Variants in SGTB observed in about 807,000 individuals in gnomAD.
SGTB encodes the protein small glutamine-rich tetratricopeptide repeat-containing protein beta.
Under a neutral mutation model 43.9 loss-of-function variants are expected in SGTB, and 19 were observed. The observed-to-expected ratio is 0.43, with a 90% CI of 0.30 to 0.63. The LOEUF is 0.63. SGTB is among the 30% of genes least tolerant of loss of function. The pLI, the probability that SGTB is intolerant of heterozygous loss-of-function variation, is 0.12. For synonymous variants in SGTB, 116 were observed against 117.3 expected (o/e 0.99, Z 0.07); for missense variants, 304 against 358.9 (o/e 0.85, Z 1.24).
At chr5:65,676,043 C>T (rs1757258619) in intron 8 of SGTB, among the ~76,000 whole-genome samples, 1 of 152,020 alleles carries the variant, frequency 6.6e-6, no homozygotes, top group African/African-American at 2.4e-5. Context: ...CACAGAATGG[C>T]AAACCAGATA....
At chr5:65,695,522 C>T (rs537279365) in intron 5 of SGTB, among the ~76,000 whole-genome samples, 3 of 152,292 alleles carry the variant, frequency 2.0e-5, no homozygotes, top group South Asian at 2.1e-4. Flanking sequence ...TGAATAACAA[C>T]GTGGTCTGTG....
chr5:65,684,604 G>A (rs1757461350), intron 6 of SGTB, among the ~76,000 whole-genome samples: 1 of 152,140 alleles, frequency 6.6e-6, no homozygotes, highest in Admixed American at 6.5e-5. Flanking sequence ...CCAGACTGGA[G>A]TGCAGTGGCT....
chr5:65,704,030 C>T (rs185378558), intron 5 of SGTB, among the ~76,000 whole-genome samples: 3,506 of 97,304 alleles, frequency 0.036, 134 homozygotes, highest in African/African-American at 0.12. Context: ...AGTGAGACTC[C>T]GTCTCAAAAA....
rs188227713 is a variant in SGTB, at chr5:65,703,718, C to T, written c.374+561G>A. Among the ~76,000 whole-genome samples, 7 of 147,608 alleles carry T rather than the reference C, an allele frequency of 4.7e-5. No individual in the cohort carries two copies. In the East Asian group the frequency reaches 1.2e-3, roughly 26 times the overall value. ...CAGCCTGGGTGACAAAGTGAGACCA[C>T]GTCTCAAAAAAAATAAAAATAAAAA... On this transcript the variant is annotated intron_variant, in intron 5 of 10. Transcript: ENST00000381007.
chr5:65,699,077 C>T (rs1051125920), intron 5 of SGTB, among the ~76,000 whole-genome samples: 15 of 152,190 alleles, frequency 9.9e-5, no homozygotes, highest in African/African-American at 3.1e-4. Flanking sequence ...AAGACACCTG[C>T]ACACATGTGT....
upstream of SGTB, chr5:65,722,269 G>A (rs553942617): frequency 2.3e-6 from 2 of 851,352 alleles, no homozygotes; most frequent in East Asian, 3.3e-5. Context: ...TGGCCTCTGC[G>A]GCTAGGCCGG....
intron 2 of SGTB, 145 bp downstream of exon 2, chr5:65,720,563 C>T (rs1049582885): frequency 3.3e-5 from 27 of 821,944 alleles, no homozygotes; most frequent in African/African-American, 2.3e-4. Flanking sequence ...AATGGAAATA[C>T]GATAACCTTA....
upstream of SGTB, chr5:65,722,190 CG>C (rs1194719502): frequency 3.5e-6 from 1 of 288,658 alleles, no homozygotes; most frequent in African/African-American, 2.2e-5. Context: ...GGGCACGGCG[CG>C]GGGCGGGGCT....
At chr5:65,712,100 AAAAC>A (rs938317555) in intron 3 of SGTB, among the ~76,000 whole-genome samples, 5 of 152,176 alleles carry the variant, frequency 3.3e-5, no homozygotes, top group African/African-American at 1.2e-4. Context: ...CTAAAAAACA[AAAAC>A]AAACAAACAA....
At chr5:65,704,035 C>CAAAAAAAAAAAAA (rs11405488) in intron 5 of SGTB, among the ~76,000 whole-genome samples, 1 of 133,368 alleles carries the variant, frequency 7.5e-6, no homozygotes, top group African/African-American at 2.7e-5. Context: ...GACTCCGTCT[C>CAAAAAAAAAAAAA]AAAAAAAAAA....
intron 5 of SGTB, among the ~76,000 whole-genome samples, chr5:65,691,520 G>A (rs1296133212): frequency 6.6e-6 from 1 of 151,780 alleles, no homozygotes; most frequent in Non-Finnish European, 1.5e-5. Context: ...AGAGACAGGT[G>A]TTTCACCATA....
intron 5 of SGTB, among the ~76,000 whole-genome samples, chr5:65,691,156 G>C (rs1368170297): frequency 6.6e-6 from 1 of 152,196 alleles, no homozygotes; most frequent in Non-Finnish European, 1.5e-5. Context: ...TGTGATGCTA[G>C]TGAATTGAAG....
In SGTB at chr5:65,666,989, A is replaced by G. The variant is rs72764483; in HGVS notation, c.*3257T>C. 28,914 of 151,974 alleles carry G rather than the reference A, an allele frequency of 0.19. 3,385 individuals carry two copies. The highest frequency in any genetic ancestry group is 0.31 in the South Asian group (1,479 of 4,814). 9.4% of individuals were successfully genotyped at this position (151,974 alleles called of 1,614,324 possible). On this transcript the variant is annotated 3_prime_UTR_variant, in exon 11 of 11. Transcript: ENST00000381007. ...GAAGAGATTGTTTAGAATTGATATT[A>G]TTTCTCCCTTAAGTGTTTGGTAAAA...
At chr5:65,680,421 C>A in intron 8 of SGTB, 73 bp downstream of exon 8, 1 of 1,515,494 alleles carries the variant, frequency 6.6e-7, no homozygotes. Context: ...TCACTTGTTT[C>A]TAAAAAAAAT....
upstream of SGTB, chr5:65,722,308 C>G (rs1758323386): frequency 1.5e-6 from 2 of 1,377,636 alleles, no homozygotes; most frequent in African/African-American, 3.0e-5. Flanking sequence ...CCAGGCGCTG[C>G]CGCCCGCCTC....
chr5:65,693,946 T>C (rs1757667379), intron 5 of SGTB, among the ~76,000 whole-genome samples: 1 of 152,196 alleles, frequency 6.6e-6, no homozygotes, highest in Admixed American at 6.5e-5. Context: ...TAGCCACATG[T>C]GACTAATGAG....
At chr5:65,686,710 C>T (rs1279791419) in intron 5 of SGTB, among the ~76,000 whole-genome samples, 2 of 152,006 alleles carry the variant, frequency 1.3e-5, no homozygotes, top group South Asian at 2.1e-4. Flanking sequence ...GCTTAACCAC[C>T]CAGTAAACCA....
At chr5:65,715,087 G>A (rs962340917) in intron 2 of SGTB, among the ~76,000 whole-genome samples, 4 of 152,130 alleles carry the variant, frequency 2.6e-5, no homozygotes, top group Admixed American at 6.5e-5. Context: ...GGCCTGTCTC[G>A]TTATCCTTAT....
upstream of SGTB, chr5:65,722,629 A>G (rs1561171940): frequency 1.9e-6 from 1 of 532,652 alleles, no homozygotes; most frequent in Non-Finnish European, 3.3e-6. Context: ...GAGGACGTCC[A>G]TTCCTCTTTG....
Sources: gnomAD v4.1 joint callset for allele counts (sites outside exome capture counted in the v4.1 genomes callset) on GRCh38, gnomAD v4.1.1 for gene constraint, MANE v1.5 for transcripts, NCBI Gene and HGNC (gene_info 2026-07-23, HGNC 2026-07-21) for gene names.